The following MEGF6 variants were observed in gnomAD, a reference collection of about 807,000 sequenced individuals.
MEGF6 encodes the protein multiple EGF like domains 6, also known as multiple epidermal growth factor-like domains protein 6.
In MEGF6, 184 loss-of-function variants were observed where a neutral mutation model predicts 207.1. That is an observed-to-expected ratio of 0.89 (90% CI 0.79 to 1.00). The LOEUF (loss-of-function observed/expected upper bound fraction) is 1.00, where lower values mean the gene tolerates loss of function less well. Ranked by LOEUF, MEGF6 falls within the 50% of genes least tolerant of loss-of-function variation. The probability of loss-of-function intolerance (pLI) is 0.00; values close to 1 mark genes in which losing one functional copy is unlikely to be tolerated. For missense variants in MEGF6, 2,282 were observed against 2,202.9 expected (o/e 1.04, Z -0.72); for synonymous variants, 1,038 against 910.0 (o/e 1.14, Z -2.53).
At chr1:3,566,541 C>T (rs929452830) in intron 4 of MEGF6, among the ~76,000 whole-genome samples, 31 of 152,284 alleles carry the variant, frequency 2.0e-4, no homozygotes, top group African/African-American at 7.5e-4. Context: ...GAAGGAACCC[C>T]GCAGGGCCAG....
In MEGF6 at chr1:3,498,425, GCGGGT is replaced by G; in HGVS notation, c.3293_3297del (p.Asp1098AlafsTer81). On this transcript the variant is annotated frameshift_variant, in exon 26 of 37. Transcript: ENST00000356575. LOFTEE classifies it high-confidence loss of function. ...GCTGGGCAGAGGCAGCGGCCCGTGT[GCGGGT>G]CACACAGGCCCCCGTTGAGGCAACC... 1 of 1,588,356 alleles carries G rather than the reference GCGGGT, an allele frequency of 6.3e-7. No individual in the cohort carries two copies. The highest frequency in any genetic ancestry group is 8.5e-7 in the Non-Finnish European group (1 of 1,170,520).
intron 4 of MEGF6, among the ~76,000 whole-genome samples, chr1:3,566,276 C>T (rs1048270009): frequency 6.6e-6 from 1 of 152,236 alleles, no homozygotes; most frequent in Non-Finnish European, 1.5e-5. Flanking sequence ...CAGAAGCACG[C>T]AGCCCCTCGC....
At chr1:3,552,514 T>C (rs1642918361) in intron 4 of MEGF6, among the ~76,000 whole-genome samples, 1 of 152,176 alleles carries the variant, frequency 6.6e-6, no homozygotes, top group Non-Finnish European at 1.5e-5. Context: ...CTGGGCAACA[T>C]ATGAGATCCC....
At chr1:3,526,350 G>A (rs889965731) in intron 4 of MEGF6, among the ~76,000 whole-genome samples, 1 of 151,718 alleles carries the variant, frequency 6.6e-6, no homozygotes, top group Non-Finnish European at 1.5e-5. Context: ...CATGGGCATT[G>A]CCCCAGCCAC....
the MEGF6 span, among the ~76,000 whole-genome samples, chr1:3,616,792 G>A: frequency 3.3e-5 from 5 of 152,220 alleles, no homozygotes; most frequent in African/African-American, 9.7e-5. Flanking sequence ...CCCCAAGCGT[G>A]GCGGGGGAGA....
At chr1:3,499,389 C>T (rs1346849159) in intron 23 of MEGF6, 123 bp from the exon 24 acceptor site, 1 of 1,425,978 alleles carries the variant, frequency 7.0e-7, no homozygotes, top group Non-Finnish European at 9.3e-7. Context: ...ACTCTCCCCT[C>T]CCTCTGGCTC....
intron 1 of MEGF6, among the ~76,000 whole-genome samples, chr1:3,608,342 G>C (rs74048679): frequency 0.021 from 3,244 of 152,170 alleles, 130 homozygotes; most frequent in African/African-American, 0.073. Flanking sequence ...TCCAGGTCAC[G>C]TGCTGTGAAA....
At chr1:3,536,072 G>T (rs576616196) in intron 4 of MEGF6, among the ~76,000 whole-genome samples, 27 of 152,242 alleles carry the variant, frequency 1.8e-4, no homozygotes, top group Admixed American at 7.2e-4. Flanking sequence ...TCCTCTGGTG[G>T]CCTCGGCTTC....
intron 13 of MEGF6, among the ~76,000 whole-genome samples, chr1:3,508,245 C>A (rs1641193436): frequency 6.6e-6 from 1 of 152,182 alleles, no homozygotes; most frequent in Non-Finnish European, 1.5e-5. Context: ...CAGCAGACAC[C>A]CCTCACTGTC....
chr1:3,509,846 C>T (rs1641268771), intron 11 of MEGF6, 24 bp downstream of exon 11: 3 of 1,534,212 alleles, frequency 2.0e-6, no homozygotes, highest in Non-Finnish European at 2.6e-6. Context: ...GAGGCCGGTG[C>T]TCCGCGGAGG....
intron 4 of MEGF6, among the ~76,000 whole-genome samples, chr1:3,542,222 G>A (rs1310420794): frequency 6.7e-6 from 1 of 150,304 alleles, no homozygotes; most frequent in Non-Finnish European, 1.5e-5. Context: ...TGGATGGGTG[G>A]GGTCCACCCG....
chr1:3,523,572 C>A (rs1400766482), intron 5 of MEGF6, among the ~76,000 whole-genome samples: 1 of 152,176 alleles, frequency 6.6e-6, no homozygotes, highest in African/African-American at 2.4e-5. Flanking sequence ...CAGCCCACAC[C>A]CTCCAGGCTC....
chr1:3,531,298 T>C (rs1320547636), intron 4 of MEGF6: 2 of 1,254,894 alleles, frequency 1.6e-6, no homozygotes, highest in Non-Finnish European at 2.0e-6. Context: ...CGCTGCGCCC[T>C]AAGCCGGCGG....
intron 4 of MEGF6, among the ~76,000 whole-genome samples, chr1:3,579,052 G>A (rs1434638942): frequency 6.6e-6 from 1 of 152,240 alleles, no homozygotes; most frequent in Non-Finnish European, 1.5e-5. Context: ...AGCCCCGGTG[G>A]CCACCACACG....
chr1:3,492,599 G>C (rs755186641), intron 35 of MEGF6, 40 bp downstream of exon 35: 17 of 1,595,498 alleles, frequency 1.1e-5, no homozygotes, highest in Non-Finnish European at 1.5e-5. Context: ...CTGATTGGGG[G>C]ATGGTGCCTT....
At position 3,532,985 on chromosome 1, in the gene MEGF6, C is replaced by T. The variant is rs141084089; in HGVS notation, c.482-8739G>A. On this transcript the variant is annotated intron_variant, in intron 4 of 36. Transcript: ENST00000356575. ...GGTCAAATTCAATTGAGCAGAACTCCAGCCCCGGCAACTCAGGGAAGCAGG... is the reference window on the plus strand; with the variant it reads ...GGTCAAATTCAATTGAGCAGAACTCTAGCCCCGGCAACTCAGGGAAGCAGG... Among the ~76,000 whole-genome samples the T allele has an allele frequency of 8.1e-3, 1,234 of 152,316 alleles. 9 individuals are homozygous for T. Among genetic ancestry groups the T allele is most frequent in the Non-Finnish European group, 0.012 (816 of 68,024 alleles).
chr1:3,500,559 G>A lies in MEGF6; in HGVS notation c.2707+74C>T, dbSNP rs72633385. The stretch of plus-strand genomic sequence containing the variant: ...GAGGGAGTACGGTCAAAGGCTTTGT[G>A]TGTGTGCACGTGTGCATATGTGTGC... On this transcript the variant is annotated intron_variant, in intron 21 of 36. Transcript: ENST00000356575. The A allele has an allele frequency of 3.3e-4, 487 of 1,473,064 alleles. No homozygotes were observed. In the African/African-American group the frequency reaches 4.4e-3, roughly 13 times the overall value. 91.2% of individuals were successfully genotyped at this position (1,473,064 alleles called of 1,614,324 possible).
At position 3,512,041 on chromosome 1, in the gene MEGF6, C is replaced by T. The variant is rs1320797823; in HGVS notation, c.941G>A (p.Gly314Asp). Residue 314 changes from glycine to aspartate, a missense_variant, in exon 8 of 37, where the codon GGC (glycine) becomes GAC (aspartate). By Grantham distance (94) the Gly-to-Asp change is moderately conservative. Transcript: ENST00000356575. ...QGSFKCVCHAGYELGADGRQC... is the reference protein window; with the variant it reads ...QGSFKCVCHADYELGADGRQC... ...CCGGCCATCGGCGCCCAGCTCATAG[C>T]CCGCGTGACACACGCACTTGAAGGA... 1.2e-6 allele frequency: 2 copies of T among 1,612,684 alleles called. No individual in the cohort carries two copies. The highest frequency in any genetic ancestry group is 1.3e-5 in the African/African-American group (1 of 74,934).
rs763379513 is a variant in MEGF6, at chr1:3,494,104, C to T, written c.4150G>A (p.Gly1384Arg). 5.1e-6 allele frequency: 8 copies of T among 1,577,896 alleles called. No individual in the cohort carries two copies. The highest frequency in any genetic ancestry group is 2.2e-5 in the East Asian group (1 of 44,470). ...CAGCACAACCCCTGGCAGCCAGCCC[C>T]GTGGAAGCCAGGGGGACAGGCTGAA... ...CEHPCPPGFHGAGCQGLCWCQ... is the reference protein window; with the variant it reads ...CEHPCPPGFHRAGCQGLCWCQ... Residue 1384 changes from glycine to arginine, a missense_variant, in exon 33 of 37, where the codon GGG (glycine) becomes AGG (arginine). Coordinates refer to ENST00000356575, the MANE Select transcript of MEGF6 (RefSeq NM_001409.4).
Sources: allele counts gnomAD v4.1 joint callset (sites outside exome capture counted in the v4.1 genomes callset), GRCh38; gene constraint gnomAD v4.1.1; transcripts MANE v1.5; gene names NCBI Gene and HGNC (gene_info 2026-07-23, HGNC 2026-07-21).